The following SULF2 variants were observed in gnomAD, a reference collection of about 807,000 sequenced individuals.
SULF2 encodes sulfatase 2.
Under a neutral mutation model 107.7 loss-of-function variants are expected in SULF2, and 52 were observed. The ratio of observed to expected loss-of-function variants is 0.48; its 90% CI spans 0.39 to 0.61. The LOEUF is 0.61. SULF2 is among the 20% of genes least tolerant of loss of function. SULF2 has a pLI of 0.00. For synonymous variants in SULF2, 460 were observed against 464.3 expected (o/e 0.99, Z 0.12); for missense variants, 993 against 1,177.3 (o/e 0.84, Z 2.29).
intron 3 of SULF2, among the ~76,000 whole-genome samples, chr20:47,709,024 T>G (rs1414605107): frequency 6.6e-6 from 1 of 152,216 alleles, no homozygotes; most frequent in Non-Finnish European, 1.5e-5. Context: ...TGCTCTCATT[T>G]GATTATATTT....
At chr20:47,707,972 T>C (rs941725671) in intron 3 of SULF2, among the ~76,000 whole-genome samples, 1 of 152,148 alleles carries the variant, frequency 6.6e-6, no homozygotes, top group African/African-American at 2.4e-5. Context: ...ATGGTACACC[T>C]CATGATGGTG....
At position 47,663,562 on chromosome 20, in the gene SULF2, T is replaced by C. The variant is rs1602580793; in HGVS notation, c.2118A>G (p.Lys706=). 1 of 1,611,500 alleles carries C rather than the reference T, an allele frequency of 6.2e-7. No homozygotes were observed. Among genetic ancestry groups the C allele is most frequent in the Non-Finnish European group, 8.5e-7 (1 of 1,179,390 alleles). The stretch of plus-strand genomic sequence containing the variant: ...GCAGGCGCTTGAGCAGCTTGCGGAG[T>C]TTCTTCTTGCGCTTCTGCTCCCGCA... The part of the protein sequence containing the change: ...WLLREQKRKK[K]LRKLLKRLQN... The change falls in exon 16 of 21, where the codon AAA becomes AAG. Residue 706 remains lysine, a synonymous_variant. Coordinates refer to ENST00000688720, the MANE Select transcript of SULF2 (RefSeq NM_001387048.1).
At chr20:47,697,644 C>T (rs2088427348) in intron 4 of SULF2, among the ~76,000 whole-genome samples, 1 of 152,222 alleles carries the variant, frequency 6.6e-6, no homozygotes, top group African/African-American at 2.4e-5. Context: ...GTTAGAGCAT[C>T]TCTGTTCCCA....
chr20:47,666,375 T>C lies in SULF2; in HGVS notation c.1690A>G (p.Lys564Glu), dbSNP rs2087271727. Reference sequence around the variant, plus strand: ...TCAGGGGCCCCTGGCCAGTGCCGCTTGGTGAGGTTTCGGGGCTGGGCGGCA... The same window carrying C: ...TCAGGGGCCCCTGGCCAGTGCCGCTCGGTGAGGTTTCGGGGCTGGGCGGCA... ...GDAAQPRNLT[K>E]RHWPGAPEDQ... Residue 564 changes from lysine (K) to glutamate (E), a missense_variant, in exon 12 of 21, where the codon AAG (lysine) becomes GAG (glutamate). Physicochemically the swap from Lys to Glu is moderately conservative, Grantham distance 56. Around this residue, in one of 3 missense-constraint regions of SULF2, gnomAD observed 497 missense variants for 544.1 expected, o/e 0.91. Coordinates refer to ENST00000688720, the MANE Select transcript of SULF2 (RefSeq NM_001387048.1). This position sits in a 1 kb window ranked among gnomAD's most constrained non-coding sequence, Gnocchi z 5.4. 1.2e-6 allele frequency: 2 copies of C among 1,614,036 alleles called. No homozygotes were observed. Among genetic ancestry groups the C allele is most frequent in the Non-Finnish European group, 1.7e-6 (2 of 1,180,032 alleles).
intron 15 of SULF2, 105 bp from the exon 16 acceptor site, chr20:47,663,727 CAGAG>C (rs2087167968): frequency 1.8e-5 from 24 of 1,319,190 alleles, no homozygotes; most frequent in Non-Finnish European, 2.3e-5. Context: ...GCTTCTCCAA[CAGAG>C]AGCCATGGGC....
intron 4 of SULF2, among the ~76,000 whole-genome samples, chr20:47,691,321 T>C (rs555103613): frequency 6.6e-6 from 1 of 152,302 alleles, no homozygotes; most frequent in East Asian, 1.9e-4. Context: ...GGGCATATTT[T>C]AGCTGGGGCA....
At chr20:47,746,325 G>A (rs577149025) in intron 2 of SULF2, among the ~76,000 whole-genome samples, 2 of 152,324 alleles carry the variant, frequency 1.3e-5, no homozygotes, top group Admixed American at 6.5e-5. Flanking sequence ...TCTTGACCTG[G>A]ACAGGTGGGG....
At chr20:47,773,998 C>T (rs890590544) in intron 1 of SULF2, among the ~76,000 whole-genome samples, 2 of 152,244 alleles carry the variant, frequency 1.3e-5, no homozygotes, top group African/African-American at 2.4e-5. Flanking sequence ...GCGAGCGTGC[C>T]GTCCTCAGCC....
At chr20:47,769,359 A>ATTTTTTT (rs71183279) in intron 1 of SULF2, among the ~76,000 whole-genome samples, 1 of 128,574 alleles carries the variant, frequency 7.8e-6, no homozygotes, top group Non-Finnish European at 1.7e-5. Context: ...TAATTTTTGT[A>ATTTTTTT]TTTTTTTTTT....
At chr20:47,702,850 C>T (rs2088616299) in intron 3 of SULF2, among the ~76,000 whole-genome samples, 180 bp from the exon 4 acceptor site, 1 of 152,194 alleles carries the variant, frequency 6.6e-6, no homozygotes, top group Non-Finnish European at 1.5e-5. Flanking sequence ...TATAGGATTA[C>T]AGAGAAAATC....
intron 10 of SULF2, among the ~76,000 whole-genome samples, chr20:47,674,709 G>A (rs987533566): frequency 1.3e-5 from 2 of 152,196 alleles, no homozygotes; most frequent in Non-Finnish European, 2.9e-5. Flanking sequence ...GGGGTAGCAC[G>A]GACAAGGTAC....
chr20:47,765,545 A>G (rs2090513695), intron 1 of SULF2, among the ~76,000 whole-genome samples: 1 of 152,182 alleles, frequency 6.6e-6, no homozygotes, highest in Admixed American at 6.5e-5. Context: ...CTGGGGCCAG[A>G]GCCCAGCAAC....
intron 3 of SULF2, among the ~76,000 whole-genome samples, chr20:47,735,609 C>A (rs2089710203): frequency 6.6e-6 from 1 of 152,146 alleles, no homozygotes; most frequent in Non-Finnish European, 1.5e-5. Flanking sequence ...TCAGGGGAAC[C>A]AACAGGTGGT....
intron 2 of SULF2, among the ~76,000 whole-genome samples, chr20:47,750,856 G>T (rs557494303): frequency 6.6e-6 from 1 of 152,270 alleles, no homozygotes; most frequent in Non-Finnish European, 1.5e-5. Context: ...CGTTCCCTCT[G>T]CCTGGAGTGC....
At chr20:47,677,502 A>AGTTCAGCGTCAGGCGCAGTG (rs1455415081) in intron 8 of SULF2, among the ~76,000 whole-genome samples, 1 of 151,784 alleles carries the variant, frequency 6.6e-6, no homozygotes. Flanking sequence ...CTCTATCTCG[A>AGTTCAGCGTCAGGCGCAGTG]GTTCAGCGTC....
chr20:47,765,895 G>A (rs6094820), intron 1 of SULF2, among the ~76,000 whole-genome samples: 1,646 of 152,348 alleles, frequency 0.011, 38 homozygotes, highest in African/African-American at 0.038. Context: ...ACAGCAAGAG[G>A]AAAGGGGAAA....
At chr20:47,769,325 C>T (rs2090584398) in intron 1 of SULF2, among the ~76,000 whole-genome samples, 1 of 151,948 alleles carries the variant, frequency 6.6e-6, no homozygotes, top group Non-Finnish European at 1.5e-5. Flanking sequence ...CAGGCGTGAG[C>T]CACCGCGCCC....
At position 47,683,162 on chromosome 20, in the gene SULF2, T is replaced by C. The variant is rs2087886016; in HGVS notation, c.896A>G (p.Asn299Ser). The change falls in exon 7 of 21, where the codon AAC (asparagine) becomes AGC (serine). Residue 299 changes from asparagine to serine, a missense_variant. This residue lies in a region of SULF2 where 388 missense variants were observed against 449.2 expected (regional missense o/e 0.86). Transcript: ENST00000688720. The part of the protein sequence containing the change: ...SVDDSMETIY[N>S]MLVETGELDN... ...CAGCTCGCCCGTCTCAACCAGCATGTTGTAAATCTGCAACACGGGCGAGGA... is the reference window on the plus strand; with the variant it reads ...CAGCTCGCCCGTCTCAACCAGCATGCTGTAAATCTGCAACACGGGCGAGGA... 1.9e-6 allele frequency: 3 copies of C among 1,597,148 alleles called. No individual in the cohort carries two copies. Among genetic ancestry groups the C allele is most frequent in the East Asian group, 4.5e-5 (2 of 44,520 alleles).
At chr20:47,746,977 ATAAAT>A (rs1275640011) in intron 2 of SULF2, among the ~76,000 whole-genome samples, 2 of 52,866 alleles carry the variant, frequency 3.8e-5, no homozygotes, top group African/African-American at 1.6e-4. Flanking sequence ...TAGAACTTAA[ATAAAT>A]AAAAAAAAAA....
Sources: gnomAD v4.1 joint callset for allele counts (sites outside exome capture counted in the v4.1 genomes callset) on GRCh38, gnomAD v4.1.1 for gene constraint, gnomAD v4.1.1 regional missense constraint, Gnocchi (gnomAD v3.1) non-coding constraint, MANE v1.5 for transcripts, NCBI Gene and HGNC (gene_info 2026-07-23, HGNC 2026-07-21) for gene names.